The following PADI1 variants were observed in gnomAD, a reference collection of about 807,000 sequenced individuals.
PADI1 encodes peptidyl arginine deiminase 1, also known as protein-arginine deiminase type-1.
Under a neutral mutation model 74.8 loss-of-function variants are expected in PADI1, and 65 were observed. The observed-to-expected ratio is 0.87, with a 90% CI of 0.71 to 1.07. The LOEUF (loss-of-function observed/expected upper bound fraction) is 1.07. PADI1 is among the 50% of genes least tolerant of loss of function. The pLI is 0.00. For synonymous variants in PADI1, 371 were observed against 336.2 expected (o/e 1.10, Z -1.13); for missense variants, 943 against 854.0 (o/e 1.10, Z -1.30).
intron 1 of PADI1, among the ~76,000 whole-genome samples, chr1:17,211,130 C>A (rs768604825): frequency 6.6e-6 from 1 of 152,134 alleles, no homozygotes; most frequent in African/African-American, 2.4e-5. Flanking sequence ...CTCTTTTGTC[C>A]GGGTCTGCCC....
intron 10 of PADI1, 81 bp from the exon 11 acceptor site, chr1:17,232,738 C>T (rs2100496579): frequency 1.5e-6 from 2 of 1,296,528 alleles, no homozygotes; most frequent in African/African-American, 1.5e-5. Context: ...CCAGCAACTC[C>T]CCTCTACTCC....
chr1:17,245,223 T>C lies in PADI1; in HGVS notation c.*980T>C, dbSNP rs2072859728. Reference sequence around the variant, plus strand: ...GAAGGTGGAGTTTAATTTCCTTTAATAGTCTTTAATTATTCCCCTTCATTC... The same window carrying C: ...GAAGGTGGAGTTTAATTTCCTTTAACAGTCTTTAATTATTCCCCTTCATTC... On this transcript the variant is annotated 3_prime_UTR_variant, in exon 16 of 16. Transcript: ENST00000375471. The surrounding 1 kb of genome is among the most constrained non-coding windows in gnomAD (Gnocchi z 4.1). The C allele has an allele frequency of 6.6e-6, 1 of 152,658 alleles. No individual in the cohort carries two copies. Among genetic ancestry groups the C allele is most frequent in the Non-Finnish European group, 1.5e-5 (1 of 68,072 alleles). The allele number at this position is 152,658 out of a possible 1,614,324, so 9.5% of individuals were successfully genotyped here.
Position 17,244,545 on chromosome 1 carries a change from G to C in PADI1, c.*302G>C. 1 of 486,092 alleles carries C rather than the reference G, an allele frequency of 2.1e-6. No homozygotes were observed. 30.1% of individuals were successfully genotyped at this position (486,092 alleles called of 1,614,324 possible). A position where few individuals can be genotyped will look rare whatever the true frequency, so the allele number is the denominator to read the frequency against. ...AGAATGGCTGTGGGAGGCCTAGGGA[G>C]ATGGGCCCCACTTAGAATTGCTCCC... On this transcript the variant is annotated 3_prime_UTR_variant, in exon 16 of 16. Coordinates refer to ENST00000375471, the MANE Select transcript of PADI1 (RefSeq NM_013358.3).
At chr1:17,219,161 C>G (rs983262731) in intron 1 of PADI1, among the ~76,000 whole-genome samples, 7 of 152,034 alleles carry the variant, frequency 4.6e-5, no homozygotes, top group African/African-American at 1.7e-4. Flanking sequence ...GATTGTATAG[C>G]TGGAGCTCTG....
chr1:17,235,785 A>T (rs2072627664), intron 11 of PADI1, among the ~76,000 whole-genome samples: 1 of 152,090 alleles, frequency 6.6e-6, no homozygotes, highest in Non-Finnish European at 1.5e-5. Context: ...ACTGCAACAC[A>T]TGGACATCCT....
At chr1:17,240,412 G>A (rs1172362761) in intron 14 of PADI1, 1 of 455,056 alleles carries the variant, frequency 2.2e-6, no homozygotes, top group Non-Finnish European at 4.0e-6. Context: ...AACTGCCTGG[G>A]TTCGAACCCC....
At chr1:17,234,567 C>G (rs1451801161) in intron 11 of PADI1, among the ~76,000 whole-genome samples, 1 of 152,250 alleles carries the variant, frequency 6.6e-6, no homozygotes, top group Non-Finnish European at 1.5e-5. Flanking sequence ...TACAACAACC[C>G]TGTGAGACTG....
chr1:17,224,100 T>A (rs2072242086), intron 3 of PADI1, among the ~76,000 whole-genome samples: 1 of 152,110 alleles, frequency 6.6e-6, no homozygotes, highest in African/African-American at 2.4e-5. Context: ...CACCAGCATA[T>A]GATTTGGAAC....
intron 1 of PADI1, among the ~76,000 whole-genome samples, chr1:17,206,324 G>A (rs1434198798): frequency 6.6e-6 from 1 of 152,234 alleles, no homozygotes; most frequent in East Asian, 1.9e-4. Context: ...CCTGGCCTCT[G>A]GTGATCCTCT....
chr1:17,225,768 C>A, intron 4 of PADI1, 43 bp from the exon 5 acceptor site: 2 of 1,473,542 alleles, frequency 1.4e-6, no homozygotes, highest in Middle Eastern at 1.8e-4. Flanking sequence ...TTCCTGGAGC[C>A]TCCTGGGTCC....
rs532556328 is a variant in PADI1, at chr1:17,221,206, G to A, written c.93-1084G>A. Among the ~76,000 whole-genome samples the A allele has an allele frequency of 2.0e-5, 3 of 152,334 alleles. No homozygotes were observed. The East Asian group carries it at 5.8e-4, about 29-fold the overall frequency. The stretch of plus-strand genomic sequence containing the variant: ...ATCCCCCTGCAGAGTGGCAGAAAGT[G>A]AGAATGCATCCATTCATTCACACGT... On this transcript the variant is annotated intron_variant, in intron 1 of 15. Coordinates refer to ENST00000375471, the MANE Select transcript of PADI1 (RefSeq NM_013358.3).
chr1:17,212,615 T>C (rs879772721), intron 1 of PADI1, among the ~76,000 whole-genome samples: 4 of 152,206 alleles, frequency 2.6e-5, no homozygotes, highest in Non-Finnish European at 5.9e-5. Flanking sequence ...GGGCCGAGGC[T>C]TCTGGGAAGC....
chr1:17,230,058 A>G (rs761185528), intron 8 of PADI1, 27 bp from the exon 9 acceptor site: 1 of 1,605,294 alleles, frequency 6.2e-7, no homozygotes, highest in East Asian at 2.2e-5. Context: ...GGCCATTAGC[A>G]TGCTCCCCTC....
intron 10 of PADI1, among the ~76,000 whole-genome samples, chr1:17,232,021 C>T (rs1319353362): frequency 6.6e-6 from 1 of 152,132 alleles, no homozygotes; most frequent in Admixed American, 6.5e-5. Flanking sequence ...TCACTGCAAC[C>T]TCTGCCTTCC....
rs183690736 is a variant in PADI1 at position 17,228,449 on chromosome 1, G to A, written c.653-176G>A. ...AAAATGTTAGCCATTTTACAGATAAGAAACTGAGGCTTAGAGAGGTTGAGT... is the reference window on the plus strand; with the variant it reads ...AAAATGTTAGCCATTTTACAGATAAAAAACTGAGGCTTAGAGAGGTTGAGT... On this transcript the variant is annotated intron_variant, in intron 6 of 15. Transcript: ENST00000375471. Among the ~76,000 whole-genome samples the A allele has an allele frequency of 5.4e-3, 817 of 152,336 alleles. 4 individuals are homozygous for A. Among genetic ancestry groups the A allele is most frequent in the Non-Finnish European group, 8.6e-3 (586 of 68,022 alleles).
intron 1 of PADI1, among the ~76,000 whole-genome samples, chr1:17,216,380 C>T (rs916482792): frequency 1.8e-4 from 28 of 152,044 alleles, no homozygotes; most frequent in African/African-American, 6.0e-4. Context: ...TCTGCAGTTG[C>T]TATGAAGGTG....
rs187214740 is a variant in PADI1 at position 17,229,142 on chromosome 1, G to T, written c.929+91G>T. 1.4e-3 allele frequency: 1,143 copies of T among 796,016 alleles called. 8 individuals are homozygous for T. In the African/African-American group the frequency reaches 0.017, roughly 12 times the overall value. The allele number at this position is 796,016 out of a possible 1,614,324, so 49.3% of individuals were successfully genotyped here. A position where few individuals can be genotyped will look rare whatever the true frequency, so the allele number is the denominator to read the frequency against. On this transcript the variant is annotated intron_variant, in intron 8 of 15. Transcript: ENST00000375471. ...CAGGGCTGCGCCCCTCACTCACACC[G>T]ACGGATTCATTGCGGGCACCCATTC... is the stretch of plus-strand genomic sequence containing the variant.
At chr1:17,210,498 C>T (rs2071806004) in intron 1 of PADI1, among the ~76,000 whole-genome samples, 1 of 152,188 alleles carries the variant, frequency 6.6e-6, no homozygotes, top group African/African-American at 2.4e-5. Flanking sequence ...TGAAAGCTGT[C>T]CCTCTTCTCC....
rs1471557608 is a variant in PADI1, at chr1:17,228,965, C to T, written c.843C>T (p.Thr281=). The T allele has an allele frequency of 6.3e-7, 1 of 1,599,788 alleles. No individual in the cohort carries two copies. Among genetic ancestry groups the T allele is most frequent in the East Asian group, 2.3e-5 (1 of 44,410 alleles). ...LVDPGTLPEV[T]LFTDTVGFRM... ...CCCCTCAGACCCTGCCCGAGGTGAC[C>T]CTCTTCACAGACACTGTGGGCTTCC... Residue 281 remains threonine, a synonymous_variant, in exon 8 of 16, where the codon ACC becomes ACT. Coordinates refer to ENST00000375471, the MANE Select transcript of PADI1 (RefSeq NM_013358.3).
Sources: allele counts gnomAD v4.1 joint callset (sites outside exome capture counted in the v4.1 genomes callset), GRCh38; gene constraint gnomAD v4.1.1; non-coding constraint Gnocchi (gnomAD v3.1); transcripts MANE v1.5; gene names NCBI Gene and HGNC (gene_info 2026-07-23, HGNC 2026-07-21).